The following CACNA2D3 variants were observed in gnomAD, a reference collection of about 807,000 sequenced individuals.
The protein encoded by CACNA2D3 is calcium voltage-gated channel auxiliary subunit alpha2delta 3, also known as voltage-dependent calcium channel subunit alpha-2/delta-3.
In CACNA2D3, 60 loss-of-function variants were observed where a neutral mutation model predicts 160.6. The observed-to-expected ratio is 0.37, with a 90% CI of 0.30 to 0.46. CACNA2D3 has a LOEUF of 0.46. CACNA2D3 is among the 20% of genes least tolerant of loss of function. The pLI, the probability that CACNA2D3 is intolerant of heterozygous loss-of-function variation, is 1.00. For missense variants in CACNA2D3, 1,205 were observed against 1,365.0 expected, an observed-to-expected ratio of 0.88 and a Z score of 1.85; for synonymous variants, 558 against 492.9, an observed-to-expected ratio of 1.13 and a Z score of -1.75.
intron 11 of CACNA2D3, among the ~76,000 whole-genome samples, chr3:54,678,039 G>A (rs967072298): frequency 1.3e-5 from 2 of 152,150 alleles, no homozygotes; most frequent in Admixed American, 6.5e-5. Context: ...AAGACGGAGG[G>A]AGTGGTAGAT....
At chr3:54,592,352 G>A (rs939599006) in intron 9 of CACNA2D3, among the ~76,000 whole-genome samples, 1 of 152,124 alleles carries the variant, frequency 6.6e-6, no homozygotes. Flanking sequence ...CCTGAAGAGG[G>A]GGTCTTAAAA....
intron 32 of CACNA2D3, 162 bp from the exon 33 acceptor site, chr3:55,007,628 C>T: frequency 1.8e-6 from 1 of 563,564 alleles, no homozygotes; most frequent in Non-Finnish European, 3.1e-6. Flanking sequence ...TTTTAGGATA[C>T]AGTATCCAAC....
chr3:54,947,425 C>T (rs77055149), intron 27 of CACNA2D3, among the ~76,000 whole-genome samples: 2,545 of 152,250 alleles, frequency 0.017, 67 homozygotes, highest in African/African-American at 0.057. Context: ...TACCAGGATT[C>T]CAGGTGATCT....
At chr3:54,910,915 G>A (rs571036148) in intron 27 of CACNA2D3, among the ~76,000 whole-genome samples, 2 of 152,142 alleles carry the variant, frequency 1.3e-5, no homozygotes, top group Admixed American at 6.5e-5. Flanking sequence ...AACAAAGCAT[G>A]TCATCTTGGA....
intron 2 of CACNA2D3, among the ~76,000 whole-genome samples, chr3:54,252,721 C>A (rs1702219093): frequency 6.6e-6 from 1 of 152,150 alleles, no homozygotes; most frequent in African/African-American, 2.4e-5. Flanking sequence ...CTGTGTCCCC[C>A]CAGCTTGTTT....
chr3:54,162,292 T>A (rs1700360330), intron 2 of CACNA2D3, among the ~76,000 whole-genome samples: 1 of 152,144 alleles, frequency 6.6e-6, no homozygotes, highest in African/African-American at 2.4e-5. Context: ...AGGGGTGGCC[T>A]GTGTCTGCTG....
chr3:54,857,312 C>T (rs1419096319), intron 17 of CACNA2D3, among the ~76,000 whole-genome samples: 2 of 152,086 alleles, frequency 1.3e-5, no homozygotes, highest in Non-Finnish European at 2.9e-5. Flanking sequence ...TGGTACTGCC[C>T]CGTTTCCTCC....
intron 30 of CACNA2D3, among the ~76,000 whole-genome samples, chr3:54,985,183 G>A (rs1290490720): frequency 5.9e-5 from 9 of 152,172 alleles, no homozygotes; most frequent in African/African-American, 1.7e-4. Flanking sequence ...AACACCGAGG[G>A]ACAAGGGTCC....
intron 3 of CACNA2D3, among the ~76,000 whole-genome samples, chr3:54,332,966 G>A (rs546734372): frequency 6.6e-6 from 1 of 152,270 alleles, no homozygotes; most frequent in African/African-American, 2.4e-5. Flanking sequence ...GCCACCCAGG[G>A]AACCCAGGGA....
At chr3:54,531,477 A>G (rs1701804748) in intron 5 of CACNA2D3, among the ~76,000 whole-genome samples, 1 of 152,218 alleles carries the variant, frequency 6.6e-6, no homozygotes, top group Non-Finnish European at 1.5e-5. Context: ...ATACCCTCAG[A>G]AGATTTTTTC....
At chr3:54,598,175 A>T (rs1398059545) in intron 9 of CACNA2D3, among the ~76,000 whole-genome samples, 9 of 151,392 alleles carry the variant, frequency 5.9e-5, no homozygotes, top group Non-Finnish European at 1.5e-5. Flanking sequence ...GGGCATGGCG[A>T]TGTGTGTCTG....
intron 11 of CACNA2D3, among the ~76,000 whole-genome samples, chr3:54,685,292 T>C (rs1290176854): frequency 6.6e-6 from 1 of 152,210 alleles, no homozygotes; most frequent in East Asian, 1.9e-4. Flanking sequence ...TGCCAGATAG[T>C]GTTTTAGGCT....
At chr3:55,028,822 C>T (rs930657803) in intron 35 of CACNA2D3, among the ~76,000 whole-genome samples, 18 of 151,958 alleles carry the variant, frequency 1.2e-4, no homozygotes, top group Non-Finnish European at 5.9e-5. Context: ...ATTATATTGC[C>T]GTCGGTTTCA....
chr3:54,286,992 A>G (rs1417053910), intron 2 of CACNA2D3, among the ~76,000 whole-genome samples: 2 of 152,228 alleles, frequency 1.3e-5, no homozygotes, highest in South Asian at 2.1e-4. Flanking sequence ...TGAAAAGACC[A>G]TCAAGGCTAG....
chr3:54,773,826 T>C (rs1486443506), intron 13 of CACNA2D3, among the ~76,000 whole-genome samples: 1 of 152,178 alleles, frequency 6.6e-6, no homozygotes, highest in Non-Finnish European at 1.5e-5. Flanking sequence ...ATTGATGATA[T>C]AAAATTATTA....
At chr3:54,938,616 G>C (rs1025912746) in intron 27 of CACNA2D3, among the ~76,000 whole-genome samples, 3 of 151,382 alleles carry the variant, frequency 2.0e-5, no homozygotes, top group African/African-American at 7.3e-5. Flanking sequence ...AGCCCCCTTA[G>C]TTACCCCCAC....
At chr3:54,871,260 T>G (rs537867522) in intron 17 of CACNA2D3, among the ~76,000 whole-genome samples, 2 of 151,994 alleles carry the variant, frequency 1.3e-5, no homozygotes, top group South Asian at 2.1e-4. Context: ...TTCCTTTGCA[T>G]CTGGTGTTTT....
At chr3:54,275,775 G>A (rs528236901) in intron 2 of CACNA2D3, among the ~76,000 whole-genome samples, 69 of 151,980 alleles carry the variant, frequency 4.5e-4, no homozygotes, top group Non-Finnish European at 8.2e-4. Flanking sequence ...CTGCCACCAC[G>A]CCTGGCTAAT....
chr3:54,656,797 A>ACCCTTCC (rs1250816904), intron 11 of CACNA2D3, among the ~76,000 whole-genome samples: 2 of 152,140 alleles, frequency 1.3e-5, no homozygotes, highest in Admixed American at 1.3e-4. Context: ...CAGCAGAGTA[A>ACCCTTCC]CCCTTCCCCC....
Sources: gnomAD v4.1 joint callset for allele counts (sites outside exome capture counted in the v4.1 genomes callset) on GRCh38, gnomAD v4.1.1 for gene constraint, MANE v1.5 for transcripts, NCBI Gene and HGNC (gene_info 2026-07-23, HGNC 2026-07-21) for gene names.